SP140: variants seen among roughly 807,000 people sequenced by gnomAD.
SP140 encodes the protein SP140 nuclear body protein.
SP140 carries 81 observed loss-of-function variants against 125.0 expected under a neutral mutation model. The ratio of observed to expected loss-of-function variants is 0.65; its 90% CI spans 0.54 to 0.78. The LOEUF is 0.78. Among genes scored for constraint, SP140 ranks in the 30% least tolerant of loss-of-function variants. The pLI is 0.00. For missense variants in SP140, 858 were observed against 1,037.0 expected (o/e 0.83, Z 2.37); for synonymous variants, 312 against 354.0 (o/e 0.88, Z 1.33).
At chr2:230,192,172 A>G in the SP140 span, among the ~76,000 whole-genome samples, 1 of 152,228 alleles carries the variant, frequency 6.6e-6, no homozygotes, top group Admixed American at 6.5e-5. Context: ...ACCCACAGCC[A>G]ATATCATATA....
upstream of SP140, among the ~76,000 whole-genome samples, chr2:230,199,197 A>G (rs540510085): frequency 1.4e-5 from 2 of 143,024 alleles, no homozygotes; most frequent in East Asian, 4.2e-4. Context: ...ACACAGCAAC[A>G]TAATCCTCTT....
At chr2:230,314,929 C>A (rs909024372), downstream of SP140, among the ~76,000 whole-genome samples, 15 of 152,190 alleles carry the variant, frequency 9.9e-5, no homozygotes, top group African/African-American at 3.6e-4. Flanking sequence ...TAACAGAGGC[C>A]AAGAGGCAGC....
chr2:230,214,026 A>G (rs746613311), exon 3 of SP140: 2 of 152,246 alleles, frequency 1.3e-5, no homozygotes, highest in Non-Finnish European at 2.9e-5. Flanking sequence ...TGATTCCACT[A>G]ATGAAAATAT....
chr2:230,293,358 A>T (rs2057343849), intron 20 of SP140, among the ~76,000 whole-genome samples: 1 of 152,138 alleles, frequency 6.6e-6, no homozygotes, highest in Non-Finnish European at 1.5e-5. Flanking sequence ...TATTTTTAGG[A>T]GACAGTCTCA....
At chr2:230,210,298 C>A in intron 1 of SP140, among the ~76,000 whole-genome samples, 1 of 152,144 alleles carries the variant, frequency 6.6e-6, no homozygotes. Context: ...GAAGAAGGTG[C>A]AATGAATGGA....
upstream of SP140, among the ~76,000 whole-genome samples, chr2:230,224,170 A>G (rs1266483589): frequency 9.2e-5 from 14 of 152,226 alleles, no homozygotes; most frequent in African/African-American, 3.1e-4. Flanking sequence ...CTGAAGTACC[A>G]ATCTTACCAC....
chr2:230,239,062 G>A (rs981575617), intron 3 of SP140: 20 of 1,394,136 alleles, frequency 1.4e-5, no homozygotes, highest in Admixed American at 3.0e-5. Flanking sequence ...GGAATAAAGG[G>A]CATTTAAACG....
the SP140 span, among the ~76,000 whole-genome samples, chr2:230,196,662 AGG>A: frequency 6.6e-6 from 1 of 151,898 alleles, no homozygotes; most frequent in East Asian, 1.9e-4. Flanking sequence ...ATTTAGCATT[AGG>A]TATATCTCCT....
intron 15 of SP140, among the ~76,000 whole-genome samples, chr2:230,280,712 T>C (rs1222730874): frequency 6.6e-6 from 1 of 152,152 alleles, no homozygotes; most frequent in Non-Finnish European, 1.5e-5. Context: ...CACTACAAAC[T>C]GAACACCCCA....
chr2:230,212,206 A>G, intron 1 of SP140: 1 of 709,108 alleles, frequency 1.4e-6, no homozygotes, highest in Non-Finnish European at 2.5e-6. Flanking sequence ...GCGTTGGTGA[A>G]TTGGCCCCTT....
In SP140 at chr2:230,291,555, T is replaced by G. The variant is rs1002500239; in HGVS notation, c.1825+991T>G. Among the ~76,000 whole-genome samples, 6 of 152,232 alleles carry G rather than the reference T, an allele frequency of 3.9e-5. No individual in the cohort carries two copies. The East Asian group carries it at 1.2e-3, about 29-fold the overall frequency. ...TTCCTGACTGCCTTCATTCACTAAT[T>G]GTGATATTTTCAAAGTTCATCCACA... On this transcript the variant is annotated intron_variant, in intron 19 of 26. Transcript: ENST00000392045.
At chr2:230,267,341 A>G (rs777541433) in intron 12 of SP140, among the ~76,000 whole-genome samples, 1 of 152,202 alleles carries the variant, frequency 6.6e-6, no homozygotes, top group African/African-American at 2.4e-5. Flanking sequence ...AGGACTTCTA[A>G]AATTAGTCCT....
upstream of SP140, chr2:230,200,406 G>A (rs1326241558): frequency 5.6e-6 from 1 of 179,538 alleles, no homozygotes; most frequent in East Asian, 1.5e-4. Flanking sequence ...TACATGCTCA[G>A]TCATAGTGTC....
At chr2:230,300,221 C>A (rs114554872) in intron 22 of SP140, among the ~76,000 whole-genome samples, 1 of 152,170 alleles carries the variant, frequency 6.6e-6, no homozygotes, top group Non-Finnish European at 1.5e-5. Flanking sequence ...GACACTCATA[C>A]GAGAACCACC....
chr2:230,212,112 G>A (rs1214637424), intron 1 of SP140, among the ~76,000 whole-genome samples: 2 of 152,340 alleles, frequency 1.3e-5, no homozygotes, highest in East Asian at 3.9e-4. Flanking sequence ...TGAGGAATCA[G>A]CTAAGGGTCA....
intron 10 of SP140, among the ~76,000 whole-genome samples, chr2:230,252,453 A>C (rs1219996005): frequency 1.3e-5 from 2 of 152,062 alleles, no homozygotes; most frequent in East Asian, 3.9e-4. Flanking sequence ...AGGCAGGAGC[A>C]GTCCCAGAAA....
At chr2:230,255,598 C>T (rs1257550176) in intron 12 of SP140, 66 bp downstream of exon 12, 21 of 1,457,790 alleles carry the variant, frequency 1.4e-5, no homozygotes, top group East Asian at 6.8e-5. Flanking sequence ...ATTTGGAGCT[C>T]GTGTTTCCTG....
Position 230,238,195 on chromosome 2 carries a change from C to T in SP140, c.238-18C>T. The T allele has an allele frequency of 2.6e-6, 4 of 1,564,990 alleles. No homozygotes were observed. The highest frequency in any genetic ancestry group is 3.5e-6 in the Non-Finnish European group (4 of 1,149,072). On this transcript the variant is annotated intron_variant, in intron 2 of 26. Transcript: ENST00000392045. Reference sequence around the variant, plus strand: ...CATAAATCTCTAGCTACATAATTCTCCATTTAATATTTTTAAGCATTTTCA... The same window carrying T: ...CATAAATCTCTAGCTACATAATTCTTCATTTAATATTTTTAAGCATTTTCA...
chr2:230,212,970 G>T (rs1331247059), intron 1 of SP140: 1 of 1,614,112 alleles, frequency 6.2e-7, no homozygotes, highest in Non-Finnish European at 8.5e-7. Flanking sequence ...TGCTAGGCCA[G>T]TTGGGGCTTC....
Sources: gnomAD v4.1 joint callset for allele counts (sites outside exome capture counted in the v4.1 genomes callset) on GRCh38, gnomAD v4.1.1 for gene constraint, MANE v1.5 for transcripts, NCBI Gene and HGNC (gene_info 2026-07-23, HGNC 2026-07-21) for gene names.